Variants in DLG2 observed in about 807,000 individuals in gnomAD.
The protein encoded by DLG2 is discs large MAGUK scaffold protein 2.
Under a neutral mutation model 132.5 loss-of-function variants are expected in DLG2, and 45 were observed. That is an observed-to-expected ratio of 0.34 (90% CI 0.27 to 0.44). DLG2 has a LOEUF of 0.44. Ranked by LOEUF, DLG2 falls within the 20% of genes least tolerant of loss-of-function variation. DLG2 has a pLI of 1.00. For synonymous variants in DLG2, 424 were observed against 419.6 expected (o/e 1.01, Z -0.13); for missense variants, 1,045 against 1,196.9 (o/e 0.87, Z 1.87).
chr11:84,302,951 A>T (rs2098172686), intron 7 of DLG2, among the ~76,000 whole-genome samples: 1 of 151,882 alleles, frequency 6.6e-6, no homozygotes, highest in African/African-American at 2.4e-5. Context: ...ATACACACAC[A>T]GACAGACACA....
At chr11:84,589,949 T>C (rs2099538907) in intron 6 of DLG2, among the ~76,000 whole-genome samples, 1 of 152,252 alleles carries the variant, frequency 6.6e-6, no homozygotes, top group Admixed American at 6.5e-5. Flanking sequence ...TACTGCAGTC[T>C]TTTCTAACTG....
intron 8 of DLG2, among the ~76,000 whole-genome samples, chr11:84,177,134 A>G (rs1173141493): frequency 6.6e-6 from 1 of 152,098 alleles, no homozygotes. Flanking sequence ...AGATGGAAGA[A>G]AATTCAAATC....
chr11:84,745,399 C>T (rs1468403598), intron 6 of DLG2, among the ~76,000 whole-genome samples: 1 of 152,128 alleles, frequency 6.6e-6, no homozygotes, highest in East Asian at 1.9e-4. Context: ...CTGGTCTGGC[C>T]ATATGACATG....
At chr11:84,703,119 C>T (rs2153744463) in intron 6 of DLG2, among the ~76,000 whole-genome samples, 1 of 151,626 alleles carries the variant, frequency 6.6e-6, no homozygotes, top group East Asian at 1.9e-4. Context: ...AAGGGGCTTA[C>T]CTTATTAGAG....
chr11:84,631,477 A>G (rs1471492917), intron 6 of DLG2, among the ~76,000 whole-genome samples: 3 of 152,150 alleles, frequency 2.0e-5, no homozygotes, highest in East Asian at 3.8e-4. Context: ...TAGCAATACA[A>G]TGTCACTAAA....
chr11:84,392,100 G>T (rs1222861165), intron 7 of DLG2, among the ~76,000 whole-genome samples: 1 of 152,152 alleles, frequency 6.6e-6, no homozygotes, highest in Non-Finnish European at 1.5e-5. Context: ...TTGTACACTA[G>T]TAAGTGCTAA....
At chr11:84,934,851 A>G (rs777991690) in intron 6 of DLG2, among the ~76,000 whole-genome samples, 4 of 151,952 alleles carry the variant, frequency 2.6e-5, no homozygotes, top group East Asian at 1.9e-4. Flanking sequence ...TAATTCCATT[A>G]CATCTTATTA....
intron 6 of DLG2, among the ~76,000 whole-genome samples, chr11:84,888,161 G>C (rs1408259925): frequency 2.6e-5 from 4 of 152,112 alleles, no homozygotes; most frequent in African/African-American, 9.7e-5. Context: ...TGGGCTAAGA[G>C]ATGCCCAGAT....
intron 9 of DLG2, among the ~76,000 whole-genome samples, chr11:84,121,614 T>A (rs1270684668): frequency 3.5e-5 from 5 of 142,346 alleles, no homozygotes; most frequent in Non-Finnish European, 7.5e-5. Flanking sequence ...CAGGCTGGAG[T>A]GCAGTGGCAC....
intron 8 of DLG2, among the ~76,000 whole-genome samples, chr11:84,193,369 A>G (rs566980082): frequency 3.9e-5 from 6 of 152,186 alleles, no homozygotes; most frequent in Non-Finnish European, 7.4e-5. Context: ...CAGGACAGAG[A>G]GAAGATGCCT....
intron 6 of DLG2, among the ~76,000 whole-genome samples, chr11:84,641,334 T>C (rs2099663784): frequency 6.6e-6 from 1 of 152,200 alleles, no homozygotes; most frequent in Non-Finnish European, 1.5e-5. Flanking sequence ...CTTTAGGAAA[T>C]TGCCTAACCC....
intron 7 of DLG2, among the ~76,000 whole-genome samples, chr11:84,276,991 T>C (rs1012329993): frequency 1.3e-5 from 2 of 152,218 alleles, no homozygotes; most frequent in African/African-American, 2.4e-5. Flanking sequence ...TGATTTCTAA[T>C]TCTTATAGCC....
At chr11:84,071,403 C>T (rs905253765) in intron 10 of DLG2, among the ~76,000 whole-genome samples, 1 of 152,100 alleles carries the variant, frequency 6.6e-6, no homozygotes. Context: ...CCATGCCTGG[C>T]CTGAACCTTT....
intron 6 of DLG2, among the ~76,000 whole-genome samples, chr11:84,778,575 C>A (rs1365125738): frequency 6.6e-6 from 1 of 152,120 alleles, no homozygotes; most frequent in Non-Finnish European, 1.5e-5. Context: ...TTCTTCCAGT[C>A]CGTGAGAATG....
intron 6 of DLG2, among the ~76,000 whole-genome samples, chr11:84,943,217 CTCTG>C (rs1264830434): frequency 2.0e-5 from 3 of 149,814 alleles, no homozygotes; most frequent in African/African-American, 5.0e-5. Context: ...TATTCAGCTA[CTCTG>C]TCTTTTAATT....
At chr11:84,202,573 C>T (rs1385523987) in intron 8 of DLG2, among the ~76,000 whole-genome samples, 7 of 152,086 alleles carry the variant, frequency 4.6e-5, no homozygotes, top group African/African-American at 1.2e-4. Context: ...GATTTCCTAA[C>T]GAAGACACCA....
chr11:84,921,162 A>C (rs2092738056), intron 6 of DLG2, among the ~76,000 whole-genome samples: 1 of 152,170 alleles, frequency 6.6e-6, no homozygotes, highest in South Asian at 2.1e-4. Context: ...AATGTGATAA[A>C]ATAATAGACC....
intron 14 of DLG2, among the ~76,000 whole-genome samples, chr11:83,937,727 A>C (rs2081809908): frequency 1.3e-5 from 2 of 152,154 alleles, no homozygotes; most frequent in African/African-American, 4.8e-5. Context: ...ACATATAAAT[A>C]ACCTCACTAG....
rs968171357 is a variant in DLG2 at position 84,015,491 on chromosome 11, T to A, written c.920-34849A>T. Among the ~76,000 whole-genome samples the A allele has an allele frequency of 8.5e-5, 13 of 152,232 alleles. 1 individual carries two copies. Among genetic ancestry groups the A allele is most frequent in the Admixed American group, 8.5e-4 (13 of 15,272 alleles). On this transcript the variant is annotated intron_variant, in intron 11 of 27. Coordinates refer to ENST00000376104, the MANE Select transcript of DLG2 (RefSeq NM_001142699.3). ...GATCATCCCATCACCCAGGTATTAA[T>A]CCCAGCATCTATTAGCTATTCTTCC...
Sources: gnomAD v4.1 joint callset for allele counts (sites outside exome capture counted in the v4.1 genomes callset) on GRCh38, gnomAD v4.1.1 for gene constraint, MANE v1.5 for transcripts, NCBI Gene and HGNC (gene_info 2026-07-23, HGNC 2026-07-21) for gene names.